GLCCI1: variants seen among roughly 807,000 people sequenced by gnomAD.
The protein encoded by GLCCI1 is glucocorticoid-induced transcript 1 protein.
GLCCI1 carries 24 observed loss-of-function variants against 52.2 expected under a neutral mutation model. The observed-to-expected ratio is 0.46, with a 90% CI of 0.33 to 0.65. The LOEUF (loss-of-function observed/expected upper bound fraction) is 0.65. GLCCI1 is among the 30% of genes least tolerant of loss of function. GLCCI1 has a pLI of 0.02. For synonymous variants in GLCCI1, 310 were observed against 276.5 expected, an observed-to-expected ratio of 1.12 and a Z score of -1.20; for missense variants, 704 against 701.5, an observed-to-expected ratio of 1.00 and a Z score of -0.04.
chr7:8,020,665 T>TGAAAA (rs1353838456), intron 2 of GLCCI1, among the ~76,000 whole-genome samples: 18 of 152,184 alleles, frequency 1.2e-4, no homozygotes, highest in Non-Finnish European at 2.4e-4. Flanking sequence ...AATGTTGATT[T>TGAAAA]TGAATAATTG....
intron 1 of GLCCI1, among the ~76,000 whole-genome samples, chr7:7,998,727 C>T (rs1337357872): frequency 6.6e-6 from 1 of 152,078 alleles, no homozygotes; most frequent in African/African-American, 2.4e-5. Context: ...TAGCTACTGA[C>T]CTTTTGAAGG....
At chr7:8,062,154 T>C (rs1185904402) in intron 5 of GLCCI1, among the ~76,000 whole-genome samples, 1 of 152,214 alleles carries the variant, frequency 6.6e-6, no homozygotes, top group African/African-American at 2.4e-5. Context: ...TAATAAGCCA[T>C]ACTTCAATTG....
At chr7:8,025,555 A>G (rs1352671136) in intron 3 of GLCCI1, among the ~76,000 whole-genome samples, 2 of 152,192 alleles carry the variant, frequency 1.3e-5, no homozygotes, top group Non-Finnish European at 2.9e-5. Flanking sequence ...AAAAAATTAA[A>G]GTTGAAAAAG....
chr7:8,027,752 T>C (rs574750371), intron 3 of GLCCI1, among the ~76,000 whole-genome samples: 5 of 149,558 alleles, frequency 3.3e-5, no homozygotes, highest in African/African-American at 1.2e-4. Flanking sequence ...AAGATAAACA[T>C]AGACTTAAAC....
chr7:8,026,838 G>T (rs1488850046), intron 3 of GLCCI1, among the ~76,000 whole-genome samples: 1 of 152,222 alleles, frequency 6.6e-6, no homozygotes, highest in African/African-American at 2.4e-5. Flanking sequence ...CCTGTTTGCT[G>T]AGGAGAAAGT....
intron 3 of GLCCI1, among the ~76,000 whole-genome samples, chr7:8,033,063 T>C (rs1270262932): frequency 6.6e-6 from 1 of 151,870 alleles, no homozygotes; most frequent in Non-Finnish European, 1.5e-5. Context: ...CCTGAGTAAG[T>C]GGGATTTGTC....
At chr7:8,012,130 C>G (rs961134918) in intron 2 of GLCCI1, among the ~76,000 whole-genome samples, 6 of 152,018 alleles carry the variant, frequency 3.9e-5, no homozygotes, top group African/African-American at 1.4e-4. Flanking sequence ...TCCAGTTTTT[C>G]TACATCTTTG....
chr7:8,058,050 A>G (rs1782436528), intron 4 of GLCCI1, among the ~76,000 whole-genome samples: 1 of 152,104 alleles, frequency 6.6e-6, no homozygotes, highest in South Asian at 2.1e-4. Context: ...TTATTGTGTT[A>G]CTCTGTTGAA....
chr7:7,970,734 G>A (rs951574934), intron 1 of GLCCI1, among the ~76,000 whole-genome samples: 3 of 152,102 alleles, frequency 2.0e-5, no homozygotes, highest in Non-Finnish European at 2.9e-5. Flanking sequence ...TGAGCCCTGG[G>A]GGAGAAAAGG....
At chr7:8,011,271 A>G (rs974410322) in intron 2 of GLCCI1, among the ~76,000 whole-genome samples, 11 of 152,184 alleles carry the variant, frequency 7.2e-5, no homozygotes, top group Admixed American at 3.3e-4. Flanking sequence ...TTTCCAGCTG[A>G]AACTCTGTGT....
chr7:8,001,022 C>T (rs1193317177), intron 1 of GLCCI1, among the ~76,000 whole-genome samples: 1 of 152,172 alleles, frequency 6.6e-6, no homozygotes, highest in Admixed American at 6.5e-5. Context: ...TTAATTGGGG[C>T]ATTTAGCCCA....
rs374991781 is a variant in GLCCI1 at position 8,080,635 on chromosome 7, A to T, written c.1178-4262A>T. 9.9e-5 allele frequency among the ~76,000 whole-genome samples: 15 copies of T among 151,536 alleles called. No individual in the cohort carries two copies. In the East Asian group the frequency reaches 1.9e-3, roughly 19 times the overall value. On this transcript the variant is annotated intron_variant, in intron 6 of 7. Transcript: ENST00000223145. ...AAATTGTATCTGTATGTACCGGAGTAGAGTACACAAATCTATTGAAAACAT... is the reference window on the plus strand; with the variant it reads ...AAATTGTATCTGTATGTACCGGAGTTGAGTACACAAATCTATTGAAAACAT...
intron 1 of GLCCI1, among the ~76,000 whole-genome samples, chr7:7,972,988 A>C (rs1780384696): frequency 6.6e-6 from 1 of 151,874 alleles, no homozygotes; most frequent in African/African-American, 2.4e-5. Flanking sequence ...TTAAAACTTC[A>C]AGGTTTGTTA....
At chr7:7,999,721 A>G (rs1337602859) in intron 1 of GLCCI1, among the ~76,000 whole-genome samples, 2 of 152,154 alleles carry the variant, frequency 1.3e-5, no homozygotes, top group African/African-American at 2.4e-5. Flanking sequence ...CCTGGTCAAC[A>G]TAGTGAGGCC....
At chr7:8,061,518 A>T (rs117620902) in intron 5 of GLCCI1, among the ~76,000 whole-genome samples, 2 of 152,134 alleles carry the variant, frequency 1.3e-5, no homozygotes, top group Non-Finnish European at 2.9e-5. Flanking sequence ...ATCTTGATGA[A>T]TATTGCCAGA....
At chr7:8,071,252 T>A in intron 6 of GLCCI1, 121 bp downstream of exon 6, 1 of 765,616 alleles carries the variant, frequency 1.3e-6, no homozygotes, top group Non-Finnish European at 2.1e-6. Context: ...AAAGATTGGT[T>A]AATCTAGGTT....
At chr7:8,064,587 C>A (rs1425932259) in intron 5 of GLCCI1, among the ~76,000 whole-genome samples, 1 of 152,154 alleles carries the variant, frequency 6.6e-6, no homozygotes. Context: ...GTTCAAGCTC[C>A]TTTTTGGTTC....
At chr7:8,076,164 AT>A (rs988564224) in intron 6 of GLCCI1, among the ~76,000 whole-genome samples, 2 of 151,844 alleles carry the variant, frequency 1.3e-5, no homozygotes, top group Non-Finnish European at 2.9e-5. Flanking sequence ...TTAACCCTCT[AT>A]TTTTTAGATA....
At chr7:7,971,228 C>G (rs541448036) in intron 1 of GLCCI1, among the ~76,000 whole-genome samples, 1 of 152,320 alleles carries the variant, frequency 6.6e-6, no homozygotes, top group Non-Finnish European at 1.5e-5. Flanking sequence ...AAACTGACAT[C>G]CTCCAGCAAA....
Sources: gnomAD v4.1 joint callset for allele counts (sites outside exome capture counted in the v4.1 genomes callset) on GRCh38, gnomAD v4.1.1 for gene constraint, MANE v1.5 for transcripts, NCBI Gene and HGNC (gene_info 2026-07-23, HGNC 2026-07-21) for gene names.